Variants in NEK11 observed in about 807,000 individuals in gnomAD.
The protein encoded by NEK11 is serine/threonine-protein kinase Nek11.
NEK11 carries 72 observed loss-of-function variants against 80.7 expected under a neutral mutation model. The ratio of observed to expected loss-of-function variants is 0.89; its 90% confidence interval spans 0.74 to 1.08. The LOEUF (loss-of-function observed/expected upper bound fraction) is 1.08, where lower values mean the gene tolerates loss of function less well. Ranked by LOEUF, NEK11 falls within the 50% of genes least tolerant of loss-of-function variation. The probability of loss-of-function intolerance (pLI) is 0.00; values close to 1 mark genes in which losing one functional copy is unlikely to be tolerated. For missense variants in NEK11, 764 were observed against 763.6 expected (o/e 1.00, Z -0.01); for synonymous variants, 251 against 260.7 (o/e 0.96, Z 0.36).
chr3:131,134,236 A>C (rs2085092902), intron 7 of NEK11: 2 of 256,990 alleles, frequency 7.8e-6, no homozygotes, highest in Admixed American at 1.1e-4. Context: ...ATTAAATTTT[A>C]ATACATTTCT....
chr3:131,073,834 A>G (rs749481485), intron 3 of NEK11, among the ~76,000 whole-genome samples: 5 of 152,184 alleles, frequency 3.3e-5, no homozygotes, highest in Admixed American at 1.3e-4. Flanking sequence ...CTGCCTGCAC[A>G]TGCAATTCTG....
chr3:131,183,805 T>C (rs1351309286), intron 14 of NEK11, among the ~76,000 whole-genome samples: 1 of 152,184 alleles, frequency 6.6e-6, no homozygotes, highest in African/African-American at 2.4e-5. Context: ...ATACTGGTAA[T>C]GGGATTGCTG....
At chr3:131,075,634 A>G (rs1271537042) in intron 3 of NEK11, among the ~76,000 whole-genome samples, 3 of 152,242 alleles carry the variant, frequency 2.0e-5, no homozygotes, top group Non-Finnish European at 4.4e-5. Flanking sequence ...AAATGGAGAA[A>G]GAATTACCGC....
At chr3:131,259,043 TTC>T (rs1178978780) in intron 16 of NEK11, among the ~76,000 whole-genome samples, 1 of 152,280 alleles carries the variant, frequency 6.6e-6, no homozygotes, top group East Asian at 1.9e-4. Flanking sequence ...GAAGATAGGA[TTC>T]TTTTTTTTGT....
At chr3:131,215,436 A>T (rs868355234) in intron 14 of NEK11, among the ~76,000 whole-genome samples, 3 of 150,698 alleles carry the variant, frequency 2.0e-5, no homozygotes, top group Non-Finnish European at 4.4e-5. Flanking sequence ...AAAATATATA[A>T]AAAAAAAAGA....
rs115956326 is a variant in NEK11 at position 131,075,923 on chromosome 3, C to T, written c.171-4500C>T. ...TGGGGGAGCAGGCTAGAGGGCAGAACATCACCAGTGAAGTGACCTAGTGCC... is the reference window on the plus strand; with the variant it reads ...TGGGGGAGCAGGCTAGAGGGCAGAATATCACCAGTGAAGTGACCTAGTGCC... On this transcript the variant is annotated intron_variant, in intron 3 of 17. Transcript: ENST00000383366. 8.6e-3 allele frequency among the ~76,000 whole-genome samples: 1,302 copies of T among 152,278 alleles called. 23 individuals carry two copies. Among genetic ancestry groups the T allele is most frequent in the African/African-American group, 0.03 (1,233 of 41,546 alleles).
chr3:131,181,994 C>A (rs778601297), intron 14 of NEK11, among the ~76,000 whole-genome samples: 10 of 151,096 alleles, frequency 6.6e-5, no homozygotes, highest in Non-Finnish European at 1.5e-4. Flanking sequence ...AATTAATATT[C>A]TTTGATTTTT....
chr3:131,044,161 C>G (rs1221447489), intron 3 of NEK11, among the ~76,000 whole-genome samples: 1 of 152,044 alleles, frequency 6.6e-6, no homozygotes, highest in Non-Finnish European at 1.5e-5. Context: ...AATGTAAAGA[C>G]CATCAACACT....
chr3:131,300,143 A>G (rs2096645054), intron 17 of NEK11, among the ~76,000 whole-genome samples: 1 of 152,014 alleles, frequency 6.6e-6, no homozygotes. Flanking sequence ...TATTGAGCAT[A>G]TTTCATATGT....
intron 5 of NEK11, among the ~76,000 whole-genome samples, chr3:131,122,647 A>G (rs11923414): frequency 0.016 from 2,473 of 151,582 alleles, 23 homozygotes; most frequent in Non-Finnish European, 0.025. Flanking sequence ...TGCTAGATGA[A>G]GGATAGACCT....
intron 5 of NEK11, among the ~76,000 whole-genome samples, chr3:131,114,702 G>A (rs1327644503): frequency 2.0e-5 from 3 of 152,152 alleles, no homozygotes; most frequent in African/African-American, 4.8e-5. Context: ...AATAAGAAGC[G>A]TGAATACTTG....
At chr3:131,334,209 T>G (rs544763639) in intron 17 of NEK11, among the ~76,000 whole-genome samples, 1 of 152,140 alleles carries the variant, frequency 6.6e-6, no homozygotes, top group Admixed American at 6.5e-5. Context: ...ATTGACCACA[T>G]AGTTGGAAGT....
chr3:131,288,450 CTT>C (rs71133693), intron 17 of NEK11, among the ~76,000 whole-genome samples: 38 of 115,370 alleles, frequency 3.3e-4, no homozygotes, highest in East Asian at 1.5e-3. Context: ...TTCTTTCTTT[CTT>C]TTTTTTTTTT....
chr3:131,088,868 C>T (rs978906570), intron 4 of NEK11, among the ~76,000 whole-genome samples: 1 of 152,086 alleles, frequency 6.6e-6, no homozygotes, highest in African/African-American at 2.4e-5. Context: ...ATTTCCCCCA[C>T]GTTTTATGCA....
chr3:131,170,975 C>T, intron 14 of NEK11, 88 bp downstream of exon 14: 1 of 878,110 alleles, frequency 1.1e-6, no homozygotes, highest in South Asian at 1.3e-5. Flanking sequence ...TGTCTGGCCT[C>T]TGGGAGAAGC....
Position 131,350,079 on chromosome 3 carries a change from C to A in NEK11, c.*303C>A, listed in dbSNP as rs1014297794. The A allele has an allele frequency of 3.2e-6, 1 of 315,374 alleles. No individual in the cohort carries two copies. Among genetic ancestry groups the A allele is most frequent in the African/African-American group, 2.2e-5 (1 of 46,084 alleles). The allele number at this position is 315,374 out of a possible 1,614,324, so 19.5% of individuals were successfully genotyped here. A position where few individuals can be genotyped will look rare whatever the true frequency, so the allele number is the denominator to read the frequency against. On this transcript the variant is annotated 3_prime_UTR_variant, in exon 18 of 18. Coordinates refer to ENST00000383366, the MANE Select transcript of NEK11 (RefSeq NM_024800.5). ...TTCCAGCAGGATTGAGTCACCCTGACGATGACCGGGGAGAAGCCGTGTGCT... is the reference window on the plus strand; with the variant it reads ...TTCCAGCAGGATTGAGTCACCCTGAAGATGACCGGGGAGAAGCCGTGTGCT...
At chr3:131,292,681 A>G (rs920354097) in intron 17 of NEK11, among the ~76,000 whole-genome samples, 5 of 152,130 alleles carry the variant, frequency 3.3e-5, no homozygotes, top group African/African-American at 1.2e-4. Flanking sequence ...ATGTCCAGCT[A>G]ATAGAACTAA....
intron 17 of NEK11, among the ~76,000 whole-genome samples, chr3:131,323,607 T>A (rs1176891420): frequency 3.9e-5 from 6 of 152,228 alleles, no homozygotes. Context: ...ATTGTATGAA[T>A]ATGTTTGAAT....
chr3:131,231,481 C>T (rs1178590494), intron 15 of NEK11, among the ~76,000 whole-genome samples: 1 of 148,086 alleles, frequency 6.8e-6, no homozygotes, highest in East Asian at 2.1e-4. Flanking sequence ...GGTCAATATA[C>T]ATTCTATAGT....
Sources: allele counts gnomAD v4.1 joint callset (sites outside exome capture counted in the v4.1 genomes callset), GRCh38; gene constraint gnomAD v4.1.1; transcripts MANE v1.5; gene names NCBI Gene and HGNC (gene_info 2026-07-23, HGNC 2026-07-21).